Variants in SMIM14 observed in about 807,000 individuals in gnomAD.
SMIM14 encodes chromosome 4 open reading frame 34.
In SMIM14, 5 loss-of-function variants were observed where a neutral mutation model predicts 12.6. The observed-to-expected ratio is 0.40, with a 90% CI of 0.21 to 0.83. SMIM14 has a LOEUF of 0.83. Ranked by LOEUF, SMIM14 falls within the 40% of genes least tolerant of loss-of-function variation. The pLI, the probability that SMIM14 is intolerant of heterozygous loss-of-function variation, is 0.37. For synonymous variants in SMIM14, 30 were observed against 40.1 expected (o/e 0.75, Z 0.95); for missense variants, 86 against 119.1 (o/e 0.72, Z 1.29).
At chr4:39,587,560 C>T (rs1713849164) in intron 2 of SMIM14, among the ~76,000 whole-genome samples, 1 of 150,304 alleles carries the variant, frequency 6.7e-6, no homozygotes, top group Non-Finnish European at 1.5e-5. Context: ...CAAAAACAGC[C>T]ACAGAATTAA....
At chr4:39,618,202 C>G (rs1266368573) in intron 1 of SMIM14, among the ~76,000 whole-genome samples, 4 of 152,204 alleles carry the variant, frequency 2.6e-5, no homozygotes, top group African/African-American at 7.2e-5. Context: ...GAGGAATTAT[C>G]ACCAGGGGCT....
intron 2 of SMIM14, among the ~76,000 whole-genome samples, chr4:39,584,504 A>AAAAAAAAAAAAAAAAAAAAT (rs1331422431): frequency 7.0e-6 from 1 of 143,416 alleles, no homozygotes; most frequent in Non-Finnish European, 1.5e-5. Context: ...AAAAAAAAAA[A>AAAAAAAAAAAAAAAAAAAAT]AGACAAACAG....
intron 2 of SMIM14, among the ~76,000 whole-genome samples, chr4:39,602,321 G>A (rs7663449): frequency 0.35 from 52,866 of 151,002 alleles, 9,702 homozygotes; most frequent in Middle Eastern, 0.44. Flanking sequence ...TTGGCCGGGC[G>A]CAGTGGCTCA....
chr4:39,560,310 C>T (rs186908392), intron 3 of SMIM14, among the ~76,000 whole-genome samples: 136 of 141,210 alleles, frequency 9.6e-4, no homozygotes, highest in African/African-American at 3.4e-3. Context: ...TGCAGTGGCG[C>T]GATCTCCGCT....
At chr4:39,569,987 A>T (rs1712801572) in intron 3 of SMIM14, among the ~76,000 whole-genome samples, 1 of 152,096 alleles carries the variant, frequency 6.6e-6, no homozygotes, top group Non-Finnish European at 1.5e-5. Context: ...TGGAAGCCTA[A>T]AATCTCTTTC....
At chr4:39,612,144 A>T (rs1715059249) in intron 1 of SMIM14, 1 of 151,976 alleles carries the variant, frequency 6.6e-6, no homozygotes, top group Non-Finnish European at 1.5e-5. Flanking sequence ...TAGCTTTCAC[A>T]TTAGAGAACT....
chr4:39,564,478 A>T (rs1285369344), intron 3 of SMIM14, among the ~76,000 whole-genome samples: 1 of 152,186 alleles, frequency 6.6e-6, no homozygotes. Context: ...CAGGTTAGGG[A>T]TGGTCAACTG....
At chr4:39,628,318 AAAG>A (rs1715776974) in intron 1 of SMIM14, among the ~76,000 whole-genome samples, 3 of 151,736 alleles carry the variant, frequency 2.0e-5, no homozygotes, top group Admixed American at 2.0e-4. Context: ...AAAAAAAAAA[AAAG>A]AAAAAAAATT....
rs754327249 is a variant in SMIM14 at position 39,605,076 on chromosome 4, T to C, written c.70A>G (p.Asn24Asp). Residue 24 changes from asparagine to aspartate, a missense_variant, in exon 2 of 5, where the codon AAT becomes GAT. Coordinates refer to ENST00000295958, the MANE Select transcript of SMIM14 (RefSeq NM_174921.3). ...ATTGTCCTGTTGCATCTCACCAGATTGATCAGTCTTCTCATTGCATGTTCA... is the reference window on the plus strand; with the variant it reads ...ATTGTCCTGTTGCATCTCACCAGATCGATCAGTCTTCTCATTGCATGTTCA... ...SHEHAMRRLI[N>D]LLRQSQSYCT... 1 of 1,595,928 alleles carries C rather than the reference T, an allele frequency of 6.3e-7. No individual in the cohort carries two copies. The highest frequency in any genetic ancestry group is 8.6e-7 in the Non-Finnish European group (1 of 1,166,402).
intron 2 of SMIM14, among the ~76,000 whole-genome samples, chr4:39,582,301 A>T (rs1163611252): frequency 6.6e-6 from 1 of 152,174 alleles, no homozygotes; most frequent in Non-Finnish European, 1.5e-5. Flanking sequence ...CTTGTATTTA[A>T]CTGGATCTTT....
In SMIM14 at chr4:39,561,076, G is replaced by C. The variant is rs6531724; in HGVS notation, c.125-4506C>G. 4.0e-5 allele frequency among the ~76,000 whole-genome samples: 6 copies of C among 151,816 alleles called. No homozygotes were observed. The South Asian group carries it at 1.2e-3, about 32-fold the overall frequency. On this transcript the variant is annotated intron_variant, in intron 3 of 4. Transcript: ENST00000295958. ...AAGCAAATACATGTTGAGTTTCCCT[G>C]TGTGAAATGCTTGGGAATACAAGTG...
intron 1 of SMIM14, among the ~76,000 whole-genome samples, chr4:39,634,752 G>C (rs1449007890): frequency 2.0e-5 from 3 of 151,954 alleles, no homozygotes; most frequent in African/African-American, 7.3e-5. Context: ...GTCTAAAGTA[G>C]AATATAAGTG....
At chr4:39,631,265 GAGGT>G (rs1715884201) in intron 1 of SMIM14, among the ~76,000 whole-genome samples, 1 of 151,666 alleles carries the variant, frequency 6.6e-6, no homozygotes, top group South Asian at 2.1e-4. Flanking sequence ...TCGGGAGGTG[GAGGT>G]TGCAGTGAGC....
intron 2 of SMIM14, among the ~76,000 whole-genome samples, chr4:39,580,001 ATC>A (rs1334050677): frequency 6.6e-6 from 1 of 152,088 alleles, no homozygotes; most frequent in Non-Finnish European, 1.5e-5. Context: ...AGAACAAAAA[ATC>A]TCTCTCTAGA....
chr4:39,547,874 GGATA>G lies in SMIM14; in HGVS notation c.*4248_*4251del. Reference sequence around the variant, plus strand: ...ACTTGCTGACCATGGAACAGTGCTTGGATAGATAACATGAAAAAAATGAAAAACA... The same window carrying G: ...ACTTGCTGACCATGGAACAGTGCTTGGATAACATGAAAAAAATGAAAAACA... On this transcript the variant is annotated 3_prime_UTR_variant, in exon 5 of 5. Coordinates refer to ENST00000295958, the MANE Select transcript of SMIM14 (RefSeq NM_174921.3). 6.6e-6 allele frequency: 1 copy of G among 151,688 alleles called. No homozygotes were observed. The highest frequency in any genetic ancestry group is 2.1e-4 in the South Asian group (1 of 4,800). 9.4% of individuals were successfully genotyped at this position (151,688 alleles called of 1,614,324 possible).
rs1234377510 is a variant in SMIM14, at chr4:39,547,724, T to C, written c.*4402A>G. On this transcript the variant is annotated 3_prime_UTR_variant, in exon 5 of 5. Transcript: ENST00000295958. Reference sequence around the variant, plus strand: ...AGAGTGATAGACTTCCAAGGTTCCTTTGAAAATTTAAGATACTGGTAATTC... The same window carrying C: ...AGAGTGATAGACTTCCAAGGTTCCTCTGAAAATTTAAGATACTGGTAATTC... 1 of 152,098 alleles carries C rather than the reference T, an allele frequency of 6.6e-6. No homozygotes were observed. The highest frequency in any genetic ancestry group is 1.5e-5 in the Non-Finnish European group (1 of 68,020). 9.4% of individuals were successfully genotyped at this position (152,098 alleles called of 1,614,324 possible). A position where few individuals can be genotyped will look rare whatever the true frequency, so the allele number is the denominator to read the frequency against.
At chr4:39,592,216 TATAG>T (rs770527840) in intron 2 of SMIM14, among the ~76,000 whole-genome samples, 2 of 150,084 alleles carry the variant, frequency 1.3e-5, no homozygotes, top group East Asian at 1.9e-4. Flanking sequence ...AAAGGAAAAA[TATAG>T]ATAGATAGAC....
chr4:39,560,328 A>G (rs1472053024), intron 3 of SMIM14, among the ~76,000 whole-genome samples: 1 of 144,706 alleles, frequency 6.9e-6, no homozygotes, highest in Non-Finnish European at 1.5e-5. Context: ...GCTCACTACA[A>G]CCTCTGCCTC....
chr4:39,556,604 A>G, intron 3 of SMIM14, 34 bp from the exon 4 acceptor site: 1 of 1,544,836 alleles, frequency 6.5e-7, no homozygotes, highest in Non-Finnish European at 8.7e-7. Context: ...CATGCTCACA[A>G]TATTGTTAAA....
Sources: allele counts gnomAD v4.1 joint callset (sites outside exome capture counted in the v4.1 genomes callset), GRCh38; gene constraint gnomAD v4.1.1; transcripts MANE v1.5; gene names NCBI Gene and HGNC (gene_info 2026-07-23, HGNC 2026-07-21).